Variants in TBC1D5 observed in about 807,000 individuals in gnomAD.
The protein encoded by TBC1D5 is TBC1 domain family, member 5.
Under a neutral mutation model 100.3 loss-of-function variants are expected in TBC1D5, and 75 were observed. The observed-to-expected ratio is 0.75, with a 90% CI of 0.62 to 0.91. The LOEUF is 0.91. Ranked by LOEUF, TBC1D5 falls within the 40% of genes least tolerant of loss-of-function variation. The pLI, the probability that TBC1D5 is intolerant of heterozygous loss-of-function variation, is 0.00. For missense variants in TBC1D5, 910 were observed against 942.4 expected, an observed-to-expected ratio of 0.97 and a Z score of 0.45; for synonymous variants, 323 against 325.6, an observed-to-expected ratio of 0.99 and a Z score of 0.09.
chr3:17,691,542 G>C (rs2071159850), intron 1 of TBC1D5, among the ~76,000 whole-genome samples: 1 of 152,154 alleles, frequency 6.6e-6, no homozygotes, highest in Non-Finnish European at 1.5e-5. Context: ...CTTCAGGCCG[G>C]GCGCCGTGGC....
Position 17,582,639 on chromosome 3 carries a change from AT to A in TBC1D5, c.-36+41209del, listed in dbSNP as rs1393525395. Among the ~76,000 whole-genome samples the A allele has an allele frequency of 4.0e-5, 6 of 151,516 alleles. 1 individual carries two copies. Among genetic ancestry groups the A allele is most frequent in the Non-Finnish European group, 2.9e-5 (2 of 67,918 alleles). Reference sequence around the variant, plus strand: ...GTGTAAATAACTTTACCAAAATGTTATTTTATGATTTAGGAGCCCAAAAGTA... The same window carrying A: ...GTGTAAATAACTTTACCAAAATGTTATTTATGATTTAGGAGCCCAAAAGTA... On this transcript the variant is annotated intron_variant, in intron 2 of 21. Coordinates refer to ENST00000253692, the Ensembl canonical transcript of TBC1D5.
intron 1 of TBC1D5, among the ~76,000 whole-genome samples, chr3:17,634,646 G>T (rs577107539): frequency 7.7e-5 from 11 of 142,638 alleles, no homozygotes; most frequent in South Asian, 2.3e-4. Flanking sequence ...AAAAAAAAAA[G>T]TGAATAAGAC....
At chr3:17,205,891 C>T (rs1023975397) in intron 18 of TBC1D5, among the ~76,000 whole-genome samples, 8 of 152,290 alleles carry the variant, frequency 5.3e-5, no homozygotes, top group African/African-American at 1.7e-4. Flanking sequence ...TGATGCTACT[C>T]AACAGCTGAA....
At chr3:17,607,720 T>C (rs901091363) in intron 2 of TBC1D5, among the ~76,000 whole-genome samples, 2 of 151,602 alleles carry the variant, frequency 1.3e-5, no homozygotes, top group Non-Finnish European at 2.9e-5. Flanking sequence ...ATAGAACCTA[T>C]GGTAATCAAA....
At chr3:17,660,528 C>T (rs1467474801) in intron 1 of TBC1D5, among the ~76,000 whole-genome samples, 2 of 152,138 alleles carry the variant, frequency 1.3e-5, no homozygotes, top group East Asian at 3.8e-4. Flanking sequence ...CTAAATGGGG[C>T]CAATAAAACT....
At chr3:17,431,258 A>T (rs1390998438) in intron 3 of TBC1D5, among the ~76,000 whole-genome samples, 1 of 151,936 alleles carries the variant, frequency 6.6e-6, no homozygotes, top group Non-Finnish European at 1.5e-5. Context: ...CATCATACAC[A>T]CACATACAAA....
intron 1 of TBC1D5, among the ~76,000 whole-genome samples, chr3:17,686,334 T>C (rs1470727744): frequency 2.0e-5 from 3 of 152,134 alleles, no homozygotes; most frequent in Admixed American, 1.3e-4. Context: ...TATCCTTAAA[T>C]AGTAGATCCC....
intron 1 of TBC1D5, among the ~76,000 whole-genome samples, chr3:17,701,549 C>T (rs757544812): frequency 6.6e-6 from 1 of 152,068 alleles, no homozygotes; most frequent in East Asian, 1.9e-4. Context: ...TTGGGAAGAT[C>T]GCTTGAGCCC....
chr3:17,463,753 C>T (rs920167788), intron 3 of TBC1D5, among the ~76,000 whole-genome samples: 2 of 152,128 alleles, frequency 1.3e-5, no homozygotes, highest in South Asian at 4.2e-4. Flanking sequence ...ATCCCAGTTT[C>T]GGCCCTGAAA....
At chr3:17,313,186 G>A (rs2084253284) in intron 13 of TBC1D5, among the ~76,000 whole-genome samples, 1 of 152,148 alleles carries the variant, frequency 6.6e-6, no homozygotes, top group African/African-American at 2.4e-5. Context: ...AGGGGACTAT[G>A]GGGATGAAAG....
At chr3:17,370,920 T>C (rs2092417704) in intron 13 of TBC1D5, among the ~76,000 whole-genome samples, 1 of 152,206 alleles carries the variant, frequency 6.6e-6, no homozygotes, top group Non-Finnish European at 1.5e-5. Context: ...ATAAAGTATC[T>C]ACCAAGAAAC....
chr3:17,180,056 C>T (rs538116255), intron 19 of TBC1D5, among the ~76,000 whole-genome samples: 1 of 152,236 alleles, frequency 6.6e-6, no homozygotes, highest in Admixed American at 6.5e-5. Context: ...GAGATTAATA[C>T]TGTCAATGGC....
intron 13 of TBC1D5, among the ~76,000 whole-genome samples, chr3:17,324,709 G>A (rs753605060): frequency 3.8e-4 from 58 of 152,114 alleles, no homozygotes; most frequent in Non-Finnish European, 7.1e-4. Flanking sequence ...ATACATACAT[G>A]CAAAAAGACA....
chr3:17,420,220 T>TA (rs1460360970), intron 4 of TBC1D5, among the ~76,000 whole-genome samples: 4 of 149,850 alleles, frequency 2.7e-5, no homozygotes, highest in Admixed American at 2.0e-4. Flanking sequence ...AAAAAAAAAA[T>TA]AAAGATATAG....
intron 2 of TBC1D5, among the ~76,000 whole-genome samples, chr3:17,516,180 T>C (rs1216499083): frequency 6.6e-6 from 1 of 152,248 alleles, no homozygotes; most frequent in East Asian, 1.9e-4. Flanking sequence ...CAACTTTTCC[T>C]TTAGGGACCA....
At chr3:17,236,719 C>T (rs1371497024) in intron 17 of TBC1D5, among the ~76,000 whole-genome samples, 1 of 152,082 alleles carries the variant, frequency 6.6e-6, no homozygotes. Context: ...CTCTTGACCT[C>T]GTGATCTACC....
intron 14 of TBC1D5, among the ~76,000 whole-genome samples, chr3:17,299,678 G>A (rs2082624186): frequency 6.6e-6 from 1 of 152,032 alleles, no homozygotes; most frequent in Non-Finnish European, 1.5e-5. Context: ...CTAACATGGT[G>A]AAACCCCGTC....
intron 13 of TBC1D5, among the ~76,000 whole-genome samples, chr3:17,363,529 C>A (rs1362660345): frequency 6.6e-6 from 1 of 151,566 alleles, no homozygotes; most frequent in African/African-American, 2.4e-5. Context: ...CACCACCATA[C>A]CTGGCTAATT....
exon 6 of TBC1D5, chr3:17,404,917 A>G (rs1307676424): frequency 1.3e-5 from 21 of 1,601,062 alleles, no homozygotes; most frequent in Non-Finnish European, 1.8e-5. Context: ...CTTCAATTCT[A>G]CTTATCCATT....
Sources: gnomAD v4.1 joint callset for allele counts (sites outside exome capture counted in the v4.1 genomes callset) on GRCh38, gnomAD v4.1.1 for gene constraint, MANE v1.5 for transcripts, NCBI Gene and HGNC (gene_info 2026-07-23, HGNC 2026-07-21) for gene names.